The following CHN1 variants were observed in gnomAD, a reference collection of about 807,000 sequenced individuals.
The protein encoded by CHN1 is chimerin 1, also known as N-chimaerin.
CHN1 carries 37 observed loss-of-function variants against 59.5 expected under a neutral mutation model. The observed-to-expected ratio is 0.62, with a 90% CI of 0.48 to 0.82. The LOEUF is 0.82. Among genes scored for constraint, CHN1 ranks in the 40% least tolerant of loss-of-function variants. CHN1 has a pLI of 0.00. For missense variants in CHN1, 469 were observed against 571.0 expected (o/e 0.82, Z 1.82); for synonymous variants, 206 against 200.4 (o/e 1.03, Z -0.24).
intron 3 of CHN1, among the ~76,000 whole-genome samples, chr2:174,939,589 T>C (rs1689597186): frequency 6.6e-6 from 1 of 152,214 alleles, no homozygotes; most frequent in African/African-American, 2.4e-5. Context: ...TACTAATAAA[T>C]ACTTCAGGAC....
chr2:174,825,097 G>C (rs1005498711), intron 7 of CHN1, among the ~76,000 whole-genome samples: 1 of 152,188 alleles, frequency 6.6e-6, no homozygotes, highest in Non-Finnish European at 1.5e-5. Context: ...CCCCTCAGGT[G>C]CAGGCACCCT....
At chr2:174,956,680 G>A (rs1413060620) in intron 1 of CHN1, among the ~76,000 whole-genome samples, 1 of 151,404 alleles carries the variant, frequency 6.6e-6, no homozygotes, top group African/African-American at 2.4e-5. Flanking sequence ...CTGAGGCAGG[G>A]AGAACTGCTT....
At chr2:174,959,316 G>T (rs1315103838) in intron 1 of CHN1, among the ~76,000 whole-genome samples, 2 of 152,190 alleles carry the variant, frequency 1.3e-5, no homozygotes, top group Non-Finnish European at 2.9e-5. Context: ...TATGGGTAGA[G>T]ACCTTAGATC....
chr2:174,808,645 G>C (rs1246672622), intron 11 of CHN1, among the ~76,000 whole-genome samples: 1 of 152,112 alleles, frequency 6.6e-6, no homozygotes. Flanking sequence ...CAAAAGCATT[G>C]GCTTACATCT....
rs537697100 is a variant in CHN1 at position 174,979,509 on chromosome 2, A to C, written c.19+25385T>G. Reference sequence around the variant, plus strand: ...GGTTATGTGCAACCCAAGGGGTACAAGGCAATATTTAAGATGTACATAGGG... The same window carrying C: ...GGTTATGTGCAACCCAAGGGGTACACGGCAATATTTAAGATGTACATAGGG... On this transcript the variant is annotated intron_variant, in intron 1 of 12. Coordinates refer to ENST00000409900, the MANE Select transcript of CHN1 (RefSeq NM_001822.7). Among the ~76,000 whole-genome samples, 13 of 152,286 alleles carry C rather than the reference A, an allele frequency of 8.5e-5. No individual in the cohort carries two copies. In the East Asian group the frequency reaches 2.5e-3, roughly 29 times the overall value.
chr2:174,907,809 GTA>G (rs1250921035), intron 5 of CHN1, among the ~76,000 whole-genome samples: 3 of 151,726 alleles, frequency 2.0e-5, no homozygotes, highest in African/African-American at 7.3e-5. Flanking sequence ...TATATAAGTA[GTA>G]TGATACTATA....
intron 3 of CHN1, among the ~76,000 whole-genome samples, chr2:174,938,298 A>G (rs1574188320): frequency 6.6e-6 from 1 of 152,206 alleles, no homozygotes; most frequent in African/African-American, 2.4e-5. Context: ...CTTCCTTCGA[A>G]AAGTATTTTT....
intron 7 of CHN1, among the ~76,000 whole-genome samples, chr2:174,838,656 T>C (rs1686179541): frequency 6.6e-6 from 1 of 152,020 alleles, no homozygotes; most frequent in South Asian, 2.1e-4. Flanking sequence ...CCAACATGTC[T>C]CAAACGGGGG....
At chr2:174,844,840 T>C (rs16862878) in intron 7 of CHN1, among the ~76,000 whole-genome samples, 8,291 of 152,248 alleles carry the variant, frequency 0.054, 763 homozygotes, top group African/African-American at 0.19. Context: ...CTAAATAATA[T>C]GTAATGCAAC....
At chr2:174,871,647 T>C (rs753148676) in intron 6 of CHN1, among the ~76,000 whole-genome samples, 1 of 152,188 alleles carries the variant, frequency 6.6e-6, no homozygotes, top group East Asian at 1.9e-4. Context: ...TGCTGGGCTA[T>C]GATAAAGGCA....
intron 4 of CHN1, among the ~76,000 whole-genome samples, chr2:174,918,117 T>C (rs555640820): frequency 2.0e-5 from 3 of 152,122 alleles, no homozygotes; most frequent in Non-Finnish European, 4.4e-5. Flanking sequence ...ATTTTTCTCA[T>C]AATAAAGATA....
chr2:174,970,761 T>C (rs1143987), intron 1 of CHN1, among the ~76,000 whole-genome samples: 14,515 of 152,222 alleles, frequency 0.095, 1,489 homozygotes, highest in African/African-American at 0.26. Flanking sequence ...TACATTGCAA[T>C]TGACCTTTAA....
intron 6 of CHN1, among the ~76,000 whole-genome samples, chr2:174,857,571 C>T (rs1399579735): frequency 6.6e-6 from 1 of 152,044 alleles, no homozygotes; most frequent in Non-Finnish European, 1.5e-5. Flanking sequence ...TCTAATCTAA[C>T]ACTATCTAAT....
rs753252187 is a variant in CHN1 at position 174,800,170 on chromosome 2, C to T, written c.1326G>A (p.Arg442=). 1.3e-6 allele frequency: 2 copies of T among 1,548,038 alleles called. No homozygotes were observed. The highest frequency in any genetic ancestry group is 1.7e-6 in the Non-Finnish European group (2 of 1,152,550). Residue 442 remains arginine (R), a synonymous_variant, in exon 13 of 13, where the codon CGG becomes CGA. Coordinates refer to ENST00000409900, the MANE Select transcript of CHN1 (RefSeq NM_001822.7). ...LDAMAALNDI[R]YQRLVVELLI... is the part of the protein sequence containing the mutation. ...GCAGCTCCACCACCAGTCTCTGATA[C>T]CGTATATCATTCAATGCAGCCATGG...
intron 7 of CHN1, among the ~76,000 whole-genome samples, chr2:174,835,187 C>G (rs1447048540): frequency 6.6e-6 from 1 of 152,170 alleles, no homozygotes; most frequent in Non-Finnish European, 1.5e-5. Context: ...ATGAATATTG[C>G]TTTCAGACCA....
chr2:174,847,772 GCAAAAAAA>G lies in CHN1; in HGVS notation c.550-823_550-816del, dbSNP rs1686581457. 6.5e-5 allele frequency: 6 copies of G among 92,734 alleles called. No individual in the cohort carries two copies. In the African/African-American group the frequency reaches 9.9e-4, roughly 15 times the overall value. The allele number at this position is 92,734 out of a possible 1,614,324, so 5.7% of individuals were successfully genotyped here. On this transcript the variant is annotated intron_variant, in intron 6 of 12. Transcript: ENST00000409900. The stretch of plus-strand genomic sequence containing the variant: ...TAAGTAAGTTTCTTGCTGGCTCAAG[GCAAAAAAA>G]AAAAAAAAAAAAAAAAAAAAATCAG...
chr2:174,913,375 A>G (rs1464608534), intron 5 of CHN1, among the ~76,000 whole-genome samples: 2 of 152,178 alleles, frequency 1.3e-5, no homozygotes, highest in Admixed American at 6.5e-5. Context: ...TGACCAGACT[A>G]TTTGGAAATA....
chr2:174,878,201 A>C, intron 5 of CHN1, 73 bp from the exon 6 acceptor site: 1 of 1,331,968 alleles, frequency 7.5e-7, no homozygotes, highest in Non-Finnish European at 1.0e-6. Flanking sequence ...AAAAAACAAA[A>C]ACAAAAAAAA....
At chr2:174,954,138 A>C (rs1690113376) in intron 1 of CHN1, among the ~76,000 whole-genome samples, 1 of 152,196 alleles carries the variant, frequency 6.6e-6, no homozygotes, top group Non-Finnish European at 1.5e-5. Context: ...AAATAAAGCC[A>C]AATACTTACA....
Sources: gnomAD v4.1 joint callset for allele counts (sites outside exome capture counted in the v4.1 genomes callset) on GRCh38, gnomAD v4.1.1 for gene constraint, MANE v1.5 for transcripts, NCBI Gene and HGNC (gene_info 2026-07-23, HGNC 2026-07-21) for gene names.